The following AMOT variants were observed in gnomAD, a reference collection of about 807,000 sequenced individuals.
The protein encoded by AMOT is angiomotin.
AMOT carries 11 observed loss-of-function variants against 67.0 expected under a neutral mutation model. The observed-to-expected ratio is 0.16, with a 90% CI of 0.10 to 0.27. The LOEUF is 0.27. AMOT is among the 10% of genes least tolerant of loss of function. The pLI, the probability that AMOT is intolerant of heterozygous loss-of-function variation, is 1.00. For synonymous variants in AMOT, 326 were observed against 321.4 expected (o/e 1.01, Z -0.15); for missense variants, 753 against 852.0 (o/e 0.88, Z 1.45).
At chrX:112,796,550 C>T (rs766706575) in intron 8 of AMOT, among the ~76,000 whole-genome samples, 9 of 111,848 alleles carry the variant, frequency 8.0e-5, no homozygotes, top group Non-Finnish European at 1.7e-4. Context: ...TTACCAAATG[C>T]CAACTTTCAA....
rs551007266 is a variant in AMOT, at chrX:112,780,851, A to T, written c.2473+35T>A. ...GCTTATCTCAGGGCTCTCTTTGAAC[A>T]CGTGACTATAATCTTCCTTATTTAC... On this transcript the variant is annotated intron_variant, in intron 12 of 13. Coordinates refer to ENST00000371959, the MANE Select transcript of AMOT (RefSeq NM_001113490.2). The T allele has an allele frequency of 4.1e-4, 480 of 1,172,517 alleles. 5 individuals are homozygous for T. The South Asian group carries it at 8.3e-3, about 20-fold the overall frequency.
chrX:112,817,933 A>C (rs1934611730), intron 4 of AMOT, among the ~76,000 whole-genome samples: 1 of 111,511 alleles, frequency 9.0e-6, no homozygotes, highest in Non-Finnish European at 1.9e-5. Context: ...TAAAAGACTA[A>C]GTGCTCTTTT....
rs1243617925 is a variant in AMOT, at chrX:112,822,860, G to A, written c.267C>T (p.Asn89=). 14 of 1,167,944 alleles carry A rather than the reference G, an allele frequency of 1.2e-5. No homozygotes were observed. The highest frequency in any genetic ancestry group is 1.3e-5 in the Non-Finnish European group (11 of 873,121). The change falls in exon 4 of 14, where the codon AAC becomes AAT. Residue 89 remains asparagine (N), a synonymous_variant. Coordinates refer to ENST00000371959, the MANE Select transcript of AMOT (RefSeq NM_001113490.2). ...EPQGQEIQSE[N]LIMEKQLSPR... ...GAGACAGCTGCTTCTCCATGATGAG[G>A]TTTTCTGACTGGATTTCCTGCCCCT...
intron 1 of AMOT, among the ~76,000 whole-genome samples, chrX:112,840,215 T>C (rs1602857661): frequency 1.8e-5 from 2 of 111,477 alleles, no homozygotes; most frequent in East Asian, 5.6e-4. Context: ...TACCATCTAG[T>C]AGTGGTACCC....
Position 112,809,972 on chromosome X carries a change from C to T in AMOT, c.1552G>A (p.Ala518Thr), listed in dbSNP as rs1934307050. The T allele has an allele frequency of 1.7e-6, 2 of 1,208,083 alleles. No homozygotes were observed. Among genetic ancestry groups the T allele is most frequent in the African/African-American group, 1.7e-5 (1 of 57,172 alleles). The change falls in exon 7 of 14, where the codon GCC becomes ACC. Residue 518 changes from alanine (A) to threonine (T), a missense_variant. This residue lies in a region of AMOT where 297 missense variants were observed against 284.3 expected (regional missense o/e 1.04). Coordinates refer to ENST00000371959, the MANE Select transcript of AMOT (RefSeq NM_001113490.2). ...NRDLRERLET[A>T]NKQLAEKEYE... is the part of the protein sequence containing the mutation. ...TCCTTCTCTGCAAGCTGCTTGTTGGCAGTCTCTAGACGCTCTGTGAAATTT... is the reference window on the plus strand; with the variant it reads ...TCCTTCTCTGCAAGCTGCTTGTTGGTAGTCTCTAGACGCTCTGTGAAATTT...
chrX:112,809,103 C>T (rs970397133), intron 7 of AMOT, among the ~76,000 whole-genome samples: 3 of 111,485 alleles, frequency 2.7e-5, no homozygotes, highest in East Asian at 5.6e-4. Context: ...CAGAGCTACA[C>T]TGAGGGAGAC....
rs141323424 is a variant in AMOT at position 112,811,368 on chromosome X, G to A, written c.1418C>T (p.Ser473Leu). ...CTTCACGAGGTTCTCATATGCCTCC[G>A]AGACGCGCTGGATTTCTGTCTCCAC... is the stretch of plus-strand genomic sequence containing the variant. ...QKVETEIQRV[S>L]EAYENLVKSS... Residue 473 changes from serine (S) to leucine (L), a missense_variant, in exon 6 of 14, where the codon TCG becomes TTG. Ser to Leu is a moderately radical substitution (Grantham distance 145). Coordinates refer to ENST00000371959, the MANE Select transcript of AMOT (RefSeq NM_001113490.2). 6 of 1,207,232 alleles carry A rather than the reference G, an allele frequency of 5.0e-6. No individual in the cohort carries two copies. The highest frequency in any genetic ancestry group is 1.8e-5 in the South Asian group (1 of 56,102).
chrX:112,807,456 A>T (rs1489705254), intron 7 of AMOT, among the ~76,000 whole-genome samples: 1 of 111,130 alleles, frequency 9.0e-6, no homozygotes, highest in Non-Finnish European at 1.9e-5. Context: ...CAGGGCAAGA[A>T]TCAGAACCAG....
chrX:112,808,046 T>G (rs1934246567), intron 7 of AMOT, among the ~76,000 whole-genome samples: 1 of 112,228 alleles, frequency 8.9e-6, no homozygotes, highest in African/African-American at 3.2e-5. Flanking sequence ...GGAGGTTAAG[T>G]GCTCTTCATC....
At chrX:112,804,906 C>CCA in intron 8 of AMOT, 41 bp downstream of exon 8, 11 of 1,048,049 alleles carry the variant, frequency 1.0e-5, no homozygotes, top group East Asian at 3.4e-5. Context: ...TTTCCCAGCC[C>CCA]TCCCACCCCC....
intron 5 of AMOT, 57 bp from the exon 6 acceptor site, chrX:112,811,450 T>C: frequency 8.6e-7 from 1 of 1,165,440 alleles, no homozygotes; most frequent in Non-Finnish European, 1.2e-6. Context: ...GGGAAAATGG[T>C]CTGAAAACAA....
At chrX:112,839,024 T>C (rs756466985) in intron 1 of AMOT, among the ~76,000 whole-genome samples, 15 of 112,492 alleles carry the variant, frequency 1.3e-4, no homozygotes, top group African/African-American at 4.5e-4. Context: ...AGCTTTTCCC[T>C]CCCAGCTGAT....
chrX:112,822,691 G>C lies in AMOT; in HGVS notation c.436C>G (p.Arg146Gly), dbSNP rs180687453. The C allele has an allele frequency of 2.6e-6, 3 of 1,166,190 alleles. No homozygotes were observed. Among genetic ancestry groups the C allele is most frequent in the Non-Finnish European group, 3.4e-6 (3 of 872,931 alleles). ...VTNQKMRTEG[R>G]PSVQRLNPGK... The stretch of plus-strand genomic sequence containing the variant: ...GGATTGAGCCGCTGAACTGATGGGC[G>C]TCCCTCAGTCCTCATCTTCTGGTTG... Residue 146 changes from arginine (R) to glycine (G), a missense_variant, in exon 4 of 14, where the codon CGC (arginine) becomes GGC (glycine). Physicochemically the swap from Arg to Gly is moderately radical, Grantham distance 125 (BLOSUM62 -2). This residue lies in a region of AMOT where 118 missense variants were observed against 125.9 expected (regional missense o/e 0.94). Coordinates refer to ENST00000371959, the MANE Select transcript of AMOT (RefSeq NM_001113490.2).
At chrX:112,778,907 T>C in intron 13 of AMOT, 90 bp downstream of exon 13, 2 of 966,416 alleles carry the variant, frequency 2.1e-6, no homozygotes, top group Non-Finnish European at 2.9e-6. Flanking sequence ...GTCCAAATGA[T>C]AACTCTGCCC....
At position 112,775,686 on chromosome X, in the gene AMOT, C is replaced by CA. The variant is rs1325791721; in HGVS notation, c.*2880dup. 1 of 111,966 alleles carries CA rather than the reference C, an allele frequency of 8.9e-6. No homozygotes were observed. Among genetic ancestry groups the CA allele is most frequent in the Non-Finnish European group, 1.9e-5 (1 of 53,067 alleles). The allele number at this position is 111,966 out of a possible 1,213,427, so 9.2% of individuals were successfully genotyped here. On this transcript the variant is annotated 3_prime_UTR_variant, in exon 14 of 14. Transcript: ENST00000371959. ...AGAAAGCTCAAGCTACTTTTTATTTCAAAAAAAGACTGTTAATAGGAGTTT... is the reference window on the plus strand; with the variant it reads ...AGAAAGCTCAAGCTACTTTTTATTTCAAAAAAAAGACTGTTAATAGGAGTTT...
rs764135146 is a variant in AMOT at position 112,804,622 on chromosome X, A to G, written c.1776+325T>C. Among the ~76,000 whole-genome samples, 4 of 112,111 alleles carry G rather than the reference A, an allele frequency of 3.6e-5. 1 individual carries two copies. The highest frequency in any genetic ancestry group is 2.8e-4 in the Admixed American group (3 of 10,550). On this transcript the variant is annotated intron_variant, in intron 8 of 13. Coordinates refer to ENST00000371959, the MANE Select transcript of AMOT (RefSeq NM_001113490.2). The stretch of plus-strand genomic sequence containing the variant: ...CATCTATGTCCATATATATATTTAT[A>G]TATCTGTCATAGGCTTATGGTACGG...
intron 8 of AMOT, among the ~76,000 whole-genome samples, chrX:112,799,779 C>T (rs764938320): frequency 1.8e-5 from 2 of 111,820 alleles, no homozygotes; most frequent in South Asian, 3.8e-4. Context: ...GTTGTAAAGG[C>T]GACTAAAGAG....
chrX:112,800,044 C>A (rs1933962934), intron 8 of AMOT, among the ~76,000 whole-genome samples: 1 of 110,810 alleles, frequency 9.0e-6, no homozygotes, highest in Non-Finnish European at 1.9e-5. Context: ...AACAGCCTGG[C>A]CAACATGGTG....
chrX:112,837,374 CCA>C (rs1268591608), intron 1 of AMOT, among the ~76,000 whole-genome samples: 1 of 111,655 alleles, frequency 9.0e-6, no homozygotes, highest in African/African-American at 3.3e-5. Context: ...CCGAGAAGGC[CCA>C]GTTAGAGTGA....
Sources: gnomAD v4.1 joint callset for allele counts (sites outside exome capture counted in the v4.1 genomes callset) on GRCh38, gnomAD v4.1.1 for gene constraint, gnomAD v4.1.1 regional missense constraint, MANE v1.5 for transcripts, NCBI Gene and HGNC (gene_info 2026-07-23, HGNC 2026-07-21) for gene names.